The following TENM2 variants were observed in gnomAD, a reference collection of about 807,000 sequenced individuals.
The protein encoded by TENM2 is teneurin-2.
In TENM2, 52 loss-of-function variants were observed where a neutral mutation model predicts 245.2. The observed-to-expected ratio is 0.21, with a 90% CI of 0.17 to 0.27. TENM2 has a LOEUF of 0.27. TENM2 is among the 10% of genes least tolerant of loss of function. TENM2 has a pLI of 1.00. For missense variants in TENM2, 3,046 were observed against 3,666.8 expected (o/e 0.83, Z 4.37); for synonymous variants, 1,363 against 1,438.9 (o/e 0.95, Z 1.19).
chr5:167,504,195 A>T (rs1012267812), intron 2 of TENM2, among the ~76,000 whole-genome samples: 8 of 152,184 alleles, frequency 5.3e-5, no homozygotes, highest in Non-Finnish European at 1.2e-4. Flanking sequence ...TTATTCTGTT[A>T]TTAGGGTTAT....
rs372076281 is a variant in TENM2 at position 167,723,734 on chromosome 5, C to T, written c.503-152252C>T. Among the ~76,000 whole-genome samples the T allele has an allele frequency of 1.6e-4, 24 of 152,334 alleles. No homozygotes were observed. In the East Asian group the frequency reaches 3.3e-3, roughly 21 times the overall value. On this transcript the variant is annotated intron_variant, in intron 2 of 28. Transcript: ENST00000518659. ...TCTTAGTGTACACAAGGCTCCCTCC[C>T]TCTCTTCCTGCATCCTACTGCAGTT...
At chr5:167,708,393 C>A (rs564720317) in intron 2 of TENM2, among the ~76,000 whole-genome samples, 3 of 152,278 alleles carry the variant, frequency 2.0e-5, no homozygotes, top group Non-Finnish European at 4.4e-5. Flanking sequence ...CAGATACTGT[C>A]TACTTGCCCA....
intron 17 of TENM2, 40 bp downstream of exon 19, chr5:168,200,171 A>G (rs780355102): frequency 1.3e-6 from 2 of 1,578,460 alleles, no homozygotes; most frequent in African/African-American, 1.3e-5. Context: ...CAATGGATTT[A>G]GTCATGTGTT....
At chr5:167,463,174 A>G (rs78897068) in intron 2 of TENM2, among the ~76,000 whole-genome samples, 2,583 of 152,320 alleles carry the variant, frequency 0.017, 69 homozygotes, top group East Asian at 0.073. Context: ...TTAAGTTTCA[A>G]AACAGTGAAC....
At chr5:167,858,670 C>G (rs940478850) in intron 2 of TENM2, among the ~76,000 whole-genome samples, 16 of 151,318 alleles carry the variant, frequency 1.1e-4, no homozygotes, top group Admixed American at 1.1e-3. Context: ...ACAGTCGCGG[C>G]GCTGACGCCC....
chr5:167,629,727 G>A (rs941309624), intron 2 of TENM2, among the ~76,000 whole-genome samples: 2 of 152,174 alleles, frequency 1.3e-5, no homozygotes, highest in African/African-American at 4.8e-5. Flanking sequence ...TATAGAGAGA[G>A]TCAACTACAT....
intron 2 of TENM2, among the ~76,000 whole-genome samples, chr5:167,445,311 T>TTATA (rs755614167): frequency 0.011 from 765 of 69,846 alleles, 6 homozygotes; most frequent in East Asian, 0.017. Flanking sequence ...AACCATATGA[T>TTATA]TATATATATA....
At chr5:167,859,352 G>A (rs1368548972) in intron 2 of TENM2, among the ~76,000 whole-genome samples, 62 of 143,644 alleles carry the variant, frequency 4.3e-4, no homozygotes, top group African/African-American at 7.6e-4. Context: ...GTCTCCGCCC[G>A]GCAGCCACCC....
chr5:167,524,100 T>A (rs996616451), intron 2 of TENM2, among the ~76,000 whole-genome samples: 2 of 152,164 alleles, frequency 1.3e-5, no homozygotes, highest in Non-Finnish European at 2.9e-5. Flanking sequence ...TAGACCATAA[T>A]CCCTATTGAG....
intron 1 of TENM2, among the ~76,000 whole-genome samples, chr5:167,330,602 C>A (rs532660525): frequency 8.5e-5 from 13 of 152,170 alleles, no homozygotes; most frequent in African/African-American, 2.9e-4. Context: ...GCTTCCATTC[C>A]ACCAAGTGTT....
chr5:167,879,102 C>T (rs1773670449), intron 3 of TENM2, among the ~76,000 whole-genome samples: 1 of 152,128 alleles, frequency 6.6e-6, no homozygotes, highest in African/African-American at 2.4e-5. Context: ...TCTATAGAAA[C>T]AAATGGGACA....
At chr5:168,227,971 C>T (rs369313923) in exon 25 of TENM2, 25 of 1,613,640 alleles carry the variant, frequency 1.5e-5, no homozygotes, top group Non-Finnish European at 2.1e-5. Context: ...TGGGTATCAG[C>T]TTCCACAGCG....
At chr5:167,367,593 T>C (rs1273764649) in intron 1 of TENM2, among the ~76,000 whole-genome samples, 1 of 152,110 alleles carries the variant, frequency 6.6e-6, no homozygotes, top group Middle Eastern at 3.2e-3. Flanking sequence ...ATACTTCCTC[T>C]GGTGCCTTCC....
At chr5:167,248,645 G>A in the TENM2 span, among the ~76,000 whole-genome samples, 13 of 152,200 alleles carry the variant, frequency 8.5e-5, no homozygotes, top group African/African-American at 3.1e-4. Context: ...TGTGTTGGTG[G>A]CGGGGTGGCA....
At chr5:167,437,896 C>G (rs1219241248) in intron 2 of TENM2, among the ~76,000 whole-genome samples, 1 of 152,184 alleles carries the variant, frequency 6.6e-6, no homozygotes, top group Non-Finnish European at 1.5e-5. Context: ...AAACCTCTTT[C>G]TTTTGTAAAT....
chr5:167,313,646 A>T (rs1035368625), intron 1 of TENM2, among the ~76,000 whole-genome samples: 7 of 152,110 alleles, frequency 4.6e-5, no homozygotes, highest in Admixed American at 4.6e-4. Context: ...CAAGTCACTT[A>T]TTCACCTTAA....
chr5:168,036,683 A>ATATATATATATATATGTATGTG lies in TENM2; in HGVS notation c.1187-10729_1187-10728insGTATGTGTATATATATATATAT, dbSNP rs1562081322. Among the ~76,000 whole-genome samples the ATATATATATATATATGTATGTG allele has an allele frequency of 7.6e-4, 87 of 114,076 alleles. 4 individuals are homozygous for ATATATATATATATATGTATGTG. The highest frequency in any genetic ancestry group is 3.6e-3 in the African/African-American group (78 of 21,662). The allele number at this position is 114,076 out of a possible 152,430, so 74.8% of individuals were successfully genotyped here. A position where few individuals can be genotyped will look rare whatever the true frequency, so the allele number is the denominator to read the frequency against. ...ATATATAATATATGTATGTGTATAT[A>ATATATATATATATATGTATGTG]TATATATATATATATATGTATGTGT... On this transcript the variant is annotated intron_variant, in intron 5 of 28. Coordinates refer to ENST00000518659, the Ensembl canonical transcript of TENM2.
chr5:167,561,548 C>T (rs1466296548), intron 2 of TENM2, among the ~76,000 whole-genome samples: 2 of 152,212 alleles, frequency 1.3e-5, no homozygotes, highest in African/African-American at 4.8e-5. Context: ...AATGTCCTTA[C>T]AGCTGGTAGA....
At chr5:167,346,557 C>A (rs1434250854) in intron 1 of TENM2, among the ~76,000 whole-genome samples, 4 of 152,176 alleles carry the variant, frequency 2.6e-5, no homozygotes, top group Non-Finnish European at 5.9e-5. Context: ...GTCATTTCAT[C>A]CTCTGATAAT....
Sources: gnomAD v4.1 joint callset for allele counts (sites outside exome capture counted in the v4.1 genomes callset) on GRCh38, gnomAD v4.1.1 for gene constraint, MANE v1.5 for transcripts, NCBI Gene and HGNC (gene_info 2026-07-23, HGNC 2026-07-21) for gene names.